The following PDE4D variants were observed in gnomAD, a reference collection of about 807,000 sequenced individuals.
PDE4D encodes 3',5'-cyclic-AMP phosphodiesterase 4D.
A neutral mutation model predicts 87.4 loss-of-function variants in PDE4D; 24 were observed. The ratio of observed to expected loss-of-function variants is 0.27; its 90% CI spans 0.20 to 0.39. PDE4D has a LOEUF of 0.39. PDE4D is among the 10% of genes least tolerant of loss of function. The pLI is 1.00. For missense variants in PDE4D, 714 were observed against 1,041.0 expected (o/e 0.69, Z 4.32); for synonymous variants, 384 against 383.2 (o/e 1.00, Z -0.02).
At chr5:60,429,569 T>A (rs1297569941) in intron 1 of PDE4D, among the ~76,000 whole-genome samples, 1 of 152,206 alleles carries the variant, frequency 6.6e-6, no homozygotes, top group Non-Finnish European at 1.5e-5. Context: ...TACTCCCAGC[T>A]TTTGCCCATT....
At position 60,203,743 on chromosome 5, in the gene PDE4D, A is replaced by T. The variant is rs139756851; in HGVS notation, c.-89-18056T>A. On this transcript the variant is annotated intron_variant, in intron 1 of 16. Coordinates refer to the PDE4D transcript ENST00000502484. ...AGTCAGAATTGTGTTGATGCTTCTC[A>T]TATGAAAGATGGTGCAGGTATCCAT... Among the ~76,000 whole-genome samples, 939 of 152,334 alleles carry T rather than the reference A, an allele frequency of 6.2e-3. 8 individuals are homozygous for T. Among genetic ancestry groups the T allele is most frequent in the Middle Eastern group, 0.01 (3 of 294 alleles).
At chr5:59,846,126 G>C (rs561178444) in intron 1 of PDE4D, among the ~76,000 whole-genome samples, 1 of 152,030 alleles carries the variant, frequency 6.6e-6, no homozygotes, top group East Asian at 1.9e-4. Flanking sequence ...TTTTTAGGAT[G>C]AGTAAGGGAA....
intron 1 of PDE4D, among the ~76,000 whole-genome samples, chr5:59,869,904 A>C (rs1305504617): frequency 6.6e-6 from 1 of 152,210 alleles, no homozygotes; most frequent in Non-Finnish European, 1.5e-5. Flanking sequence ...GTTAATAACC[A>C]GAACTGTCCA....
chr5:59,173,629 G>A (rs556100143), intron 5 of PDE4D, among the ~76,000 whole-genome samples: 3 of 152,034 alleles, frequency 2.0e-5, no homozygotes, highest in Non-Finnish European at 2.9e-5. Context: ...AGCATTTTTC[G>A]ATCACATTTC....
At chr5:60,090,599 T>C (rs889134214) in intron 2 of PDE4D, among the ~76,000 whole-genome samples, 18 of 152,180 alleles carry the variant, frequency 1.2e-4, no homozygotes, top group Non-Finnish European at 2.4e-4. Flanking sequence ...ATGGAAATTC[T>C]TTCTTCCAAG....
chr5:60,132,583 C>T (rs777337121), intron 2 of PDE4D, among the ~76,000 whole-genome samples: 1 of 152,110 alleles, frequency 6.6e-6, no homozygotes, highest in Non-Finnish European at 1.5e-5. Context: ...CTCAGTCATT[C>T]ATGCATTAGA....
chr5:59,781,166 C>CAAAA (rs11450737), intron 1 of PDE4D, among the ~76,000 whole-genome samples: 12 of 68,970 alleles, frequency 1.7e-4, no homozygotes, highest in East Asian at 1.1e-3. Context: ...AACTCCTTCT[C>CAAAA]AAAAAAAAAA....
intron 2 of PDE4D, among the ~76,000 whole-genome samples, chr5:60,051,512 A>G (rs1311822531): frequency 6.6e-6 from 1 of 152,236 alleles, no homozygotes; most frequent in Non-Finnish European, 1.5e-5. Context: ...ACAATGTACC[A>G]GAATCTCTAG....
chr5:60,505,861 T>C (rs1750297787), intron 1 of PDE4D, among the ~76,000 whole-genome samples: 1 of 152,226 alleles, frequency 6.6e-6, no homozygotes, highest in Non-Finnish European at 1.5e-5. Context: ...AGATCCACCA[T>C]CTTATCTAAT....
intron 1 of PDE4D, among the ~76,000 whole-genome samples, chr5:59,264,231 C>A (rs1033997217): frequency 6.6e-6 from 1 of 151,954 alleles, no homozygotes. Flanking sequence ...CTGAGACCAA[C>A]GCAGCTCTCA....
chr5:59,246,117 G>C (rs926338451), intron 1 of PDE4D, among the ~76,000 whole-genome samples: 3 of 151,872 alleles, frequency 2.0e-5, no homozygotes, highest in Non-Finnish European at 4.4e-5. Flanking sequence ...TTCCTGATGA[G>C]TTTTGTTCAG....
rs150061917 is a variant in PDE4D at position 59,495,187 on chromosome 5, C to T, written c.456-279219G>A. Among the ~76,000 whole-genome samples the T allele has an allele frequency of 2.7e-3, 410 of 152,248 alleles. 2 individuals carry two copies. The highest frequency in any genetic ancestry group is 9.2e-3 in the African/African-American group (383 of 41,528). On this transcript the variant is annotated intron_variant, in intron 1 of 14. Transcript: ENST00000340635. ...CTCAGCTCCTTGACCACACTGAAGT[C>T]GGGCTTTCTCCTGATGGCACACTCT...
intron 1 of PDE4D, among the ~76,000 whole-genome samples, chr5:59,704,634 T>A (rs1351752639): frequency 3.3e-5 from 5 of 152,214 alleles, no homozygotes; most frequent in Admixed American, 3.3e-4. Flanking sequence ...AATTCCTGAA[T>A]CCAGTGAGAT....
chr5:59,454,434 TGCCTGCCGCCATCCATGTAA>T, intron 1 of PDE4D, among the ~76,000 whole-genome samples: 1 of 152,318 alleles, frequency 6.6e-6, no homozygotes, highest in East Asian at 1.9e-4. Flanking sequence ...GCTCTCTCTT[TGCCTGCCGCCATCCATGTAA>T]GACGTGACTT....
intron 1 of PDE4D, among the ~76,000 whole-genome samples, chr5:59,307,421 G>A (rs1372283236): frequency 0.021 from 3,197 of 151,592 alleles, 80 homozygotes; most frequent in African/African-American, 0.072. Context: ...GAGTGAACAG[G>A]CAACCTACAA....
intron 6 of PDE4D, among the ~76,000 whole-genome samples, chr5:59,023,606 T>G (rs894650653): frequency 6.6e-6 from 1 of 151,982 alleles, no homozygotes; most frequent in Non-Finnish European, 1.5e-5. Flanking sequence ...CAGTAAGCCA[T>G]GATGGCGCCA....
chr5:60,216,442 CT>C (rs1410279988), intron 1 of PDE4D, among the ~76,000 whole-genome samples: 1 of 152,022 alleles, frequency 6.6e-6, no homozygotes, highest in African/African-American at 2.4e-5. Flanking sequence ...TTATTTCAAC[CT>C]GTGATTACAT....
At chr5:59,759,861 T>A (rs1266090865) in intron 1 of PDE4D, among the ~76,000 whole-genome samples, 2 of 152,186 alleles carry the variant, frequency 1.3e-5, no homozygotes, top group African/African-American at 4.8e-5. Flanking sequence ...CCCAGGAGAC[T>A]GGCAGCAATG....
intron 1 of PDE4D, among the ~76,000 whole-genome samples, chr5:60,272,947 G>T (rs921326147): frequency 1.6e-4 from 24 of 152,092 alleles, no homozygotes; most frequent in African/African-American, 5.8e-4. Context: ...ACAGTTATAC[G>T]ACTACCTCAA....
Sources: allele counts gnomAD v4.1 joint callset (sites outside exome capture counted in the v4.1 genomes callset), GRCh38; gene constraint gnomAD v4.1.1; transcripts MANE v1.5; gene names NCBI Gene and HGNC (gene_info 2026-07-23, HGNC 2026-07-21).